The following GDA variants were observed in gnomAD, a reference collection of about 807,000 sequenced individuals.
GDA encodes the protein cytoplasmic PSD-95 interactor.
Under a neutral mutation model 59.6 loss-of-function variants are expected in GDA, and 18 were observed. The observed-to-expected ratio is 0.30, with a 90% CI of 0.21 to 0.45. The LOEUF (loss-of-function observed/expected upper bound fraction) is 0.45. Among genes scored for constraint, GDA ranks in the 20% least tolerant of loss-of-function variants. The probability of loss-of-function intolerance (pLI) is 1.00; values close to 1 mark genes in which losing one functional copy is unlikely to be tolerated. For synonymous variants in GDA, 201 were observed against 201.1 expected (o/e 1.00, Z 0.00); for missense variants, 427 against 552.3 (o/e 0.77, Z 2.27).
chr9:72,186,539 A>G (rs1831880825), intron 1 of GDA, among the ~76,000 whole-genome samples: 1 of 152,170 alleles, frequency 6.6e-6, no homozygotes, highest in Non-Finnish European at 1.5e-5. Context: ...CTCACTATGA[A>G]GTATATCTTC....
At chr9:72,212,534 C>T (rs1197922592) in intron 4 of GDA, among the ~76,000 whole-genome samples, 1 of 151,842 alleles carries the variant, frequency 6.6e-6, no homozygotes, top group Non-Finnish European at 1.5e-5. Flanking sequence ...ACATGCCTGA[C>T]ACCTTATATA....
chr9:72,208,889 C>T (rs894386249), intron 3 of GDA, among the ~76,000 whole-genome samples: 6 of 152,074 alleles, frequency 3.9e-5, no homozygotes, highest in Non-Finnish European at 5.9e-5. Context: ...CACTGTGGCC[C>T]TTAGAAAATT....
At chr9:72,217,604 T>A (rs985185562) in intron 5 of GDA, among the ~76,000 whole-genome samples, 14 of 152,144 alleles carry the variant, frequency 9.2e-5, no homozygotes, top group African/African-American at 3.4e-4. Context: ...GCTATAGGAG[T>A]CCTAGGGTAA....
intron 9 of GDA, chr9:72,229,058 G>A (rs1257033937): frequency 3.3e-5 from 5 of 151,774 alleles, no homozygotes; most frequent in South Asian, 2.1e-4. Context: ...TTCAGGGGTC[G>A]GGCGTGGTGG....
intron 1 of GDA, among the ~76,000 whole-genome samples, chr9:72,158,588 C>T (rs570696300): frequency 1.1e-4 from 17 of 149,694 alleles, no homozygotes; most frequent in Non-Finnish European, 2.2e-4. Flanking sequence ...AGCGAAACTC[C>T]GTCTCCAAAA....
At chr9:72,115,280 C>CT (rs1825398090) in intron 1 of GDA, among the ~76,000 whole-genome samples, 1 of 152,192 alleles carries the variant, frequency 6.6e-6, no homozygotes, top group Non-Finnish European at 1.5e-5. Flanking sequence ...CCAGGTGTGT[C>CT]TAAAAGTTTC....
chr9:72,139,786 A>T (rs1280353163), intron 1 of GDA, among the ~76,000 whole-genome samples: 1 of 152,198 alleles, frequency 6.6e-6, no homozygotes, highest in Non-Finnish European at 1.5e-5. Context: ...AAGAGGCACA[A>T]AATAAGGTTT....
At chr9:72,117,181 T>C (rs1282841727) in intron 1 of GDA, among the ~76,000 whole-genome samples, 1 of 152,168 alleles carries the variant, frequency 6.6e-6, no homozygotes, top group African/African-American at 2.4e-5. Flanking sequence ...ATCATTCACA[T>C]CATTATTTGT....
At chr9:72,237,665 A>T (rs950936361) in intron 10 of GDA, among the ~76,000 whole-genome samples, 5 of 152,200 alleles carry the variant, frequency 3.3e-5, no homozygotes, top group African/African-American at 1.2e-4. Flanking sequence ...CCCTTCTCTT[A>T]GACCCCTCCT....
chr9:72,232,077 G>A (rs1437490551), intron 10 of GDA, among the ~76,000 whole-genome samples: 5 of 152,314 alleles, frequency 3.3e-5, no homozygotes, highest in South Asian at 2.1e-4. Context: ...TGCTTGCTTC[G>A]AAAGTGTGAG....
intron 10 of GDA, among the ~76,000 whole-genome samples, chr9:72,232,289 A>G (rs1249070165): frequency 6.6e-6 from 1 of 152,186 alleles, no homozygotes; most frequent in Non-Finnish European, 1.5e-5. Flanking sequence ...CTCAAGTCTC[A>G]GTTTGTTATA....
chr9:72,133,420 T>C (rs1254418000), intron 1 of GDA, among the ~76,000 whole-genome samples: 2 of 152,150 alleles, frequency 1.3e-5, no homozygotes, highest in East Asian at 3.9e-4. Context: ...AGGTCAGCTA[T>C]TTTATTACAT....
In GDA at chr9:72,234,754, A is replaced by G. The variant is rs575019013; in HGVS notation, c.988+3573A>G. 2.0e-5 allele frequency among the ~76,000 whole-genome samples: 3 copies of G among 152,368 alleles called. No homozygotes were observed. The South Asian group carries it at 6.2e-4, about 32-fold the overall frequency. On this transcript the variant is annotated intron_variant, in intron 10 of 13. Coordinates refer to ENST00000358399, the MANE Select transcript of GDA (RefSeq NM_004293.5). ...TGTTGTGACAAAATATTTTAATTAC[A>G]ATAAAAAAATTTCTACAATATTGAC...
intron 3 of GDA, among the ~76,000 whole-genome samples, chr9:72,203,196 A>T (rs1182806779): frequency 6.6e-6 from 1 of 152,218 alleles, no homozygotes; most frequent in African/African-American, 2.4e-5. Context: ...TAAGCAAGTT[A>T]ATATTTGTGA....
chr9:72,131,830 C>T (rs956261140), intron 1 of GDA, among the ~76,000 whole-genome samples: 1 of 152,170 alleles, frequency 6.6e-6, no homozygotes, highest in African/African-American at 2.4e-5. Context: ...AACTATACCC[C>T]TTTATATTAG....
intron 1 of GDA, among the ~76,000 whole-genome samples, chr9:72,178,895 CT>C (rs1830845920): frequency 6.6e-6 from 1 of 152,034 alleles, no homozygotes; most frequent in Non-Finnish European, 1.5e-5. Context: ...TAAAAATTTT[CT>C]GATACATAAT....
chr9:72,205,546 G>C (rs2131376943), intron 3 of GDA, among the ~76,000 whole-genome samples: 1 of 152,300 alleles, frequency 6.6e-6, no homozygotes, highest in Admixed American at 6.5e-5. Context: ...TGCCCAGCAA[G>C]GTGGGCAGGC....
Position 72,195,514 on chromosome 9 carries a change from A to G in GDA, c.138A>G (p.Glu46=), listed in dbSNP as rs1833067570. Residue 46 remains glutamate, a synonymous_variant, in exon 2 of 14, where the codon GAA becomes GAG. Coordinates refer to ENST00000358399, the MANE Select transcript of GDA (RefSeq NM_004293.5). Reference sequence around the variant, plus strand: ...TTCTTTTAAAGATAGTGTTTTTAGAAGAAGCATCTCAACAGGAAAAACTGG... The same window carrying G: ...TTCTTTTAAAGATAGTGTTTTTAGAGGAAGCATCTCAACAGGAAAAACTGG... ...VSDSGKIVFL[E]EASQQEKLAK... 6.6e-7 allele frequency: 1 copy of G among 1,509,794 alleles called. No individual in the cohort carries two copies. Among genetic ancestry groups the G allele is most frequent in the Non-Finnish European group, 9.1e-7 (1 of 1,094,336 alleles). 93.5% of individuals were successfully genotyped at this position (1,509,794 alleles called of 1,614,324 possible).
At chr9:72,243,298 T>C (rs1458011886) in intron 11 of GDA, among the ~76,000 whole-genome samples, 1 of 152,202 alleles carries the variant, frequency 6.6e-6, no homozygotes, top group African/African-American at 2.4e-5. Flanking sequence ...TGAAAAGAAT[T>C]GTGTCTTTTT....
Sources: allele counts gnomAD v4.1 joint callset (sites outside exome capture counted in the v4.1 genomes callset), GRCh38; gene constraint gnomAD v4.1.1; transcripts MANE v1.5; gene names NCBI Gene and HGNC (gene_info 2026-07-23, HGNC 2026-07-21).